The following TCF12 variants were observed in gnomAD, a reference collection of about 807,000 sequenced individuals.
TCF12 encodes transcription factor 12.
TCF12 carries 45 observed loss-of-function variants against 86.0 expected under a neutral mutation model. That is an observed-to-expected ratio of 0.52 (90% CI 0.41 to 0.67). The LOEUF (loss-of-function observed/expected upper bound fraction) is 0.67, where lower values mean the gene tolerates loss of function less well. Among genes scored for constraint, TCF12 ranks in the 30% least tolerant of loss-of-function variants. The pLI, the probability that TCF12 is intolerant of heterozygous loss-of-function variation, is 0.00. For missense variants in TCF12, 881 were observed against 859.9 expected (o/e 1.02, Z -0.31); for synonymous variants, 330 against 299.6 (o/e 1.10, Z -1.05).
At chr15:57,224,068 T>G (rs1386348936) in intron 8 of TCF12, among the ~76,000 whole-genome samples, 1 of 152,068 alleles carries the variant, frequency 6.6e-6, no homozygotes, top group African/African-American at 2.4e-5. Flanking sequence ...TTATCTTGAT[T>G]CAAGTGAGTA....
chr15:57,067,306 C>T (rs1223391575), intron 4 of TCF12, among the ~76,000 whole-genome samples: 2 of 151,830 alleles, frequency 1.3e-5, no homozygotes, highest in Non-Finnish European at 2.9e-5. Flanking sequence ...TTTGGGAGGC[C>T]GAGGCGGGCG....
chr15:56,964,528 A>C (rs2061917098), intron 3 of TCF12, among the ~76,000 whole-genome samples: 1 of 151,720 alleles, frequency 6.6e-6, no homozygotes, highest in African/African-American at 2.4e-5. Flanking sequence ...ATGTCTTTTC[A>C]TTTTTCAGCC....
intron 3 of TCF12, among the ~76,000 whole-genome samples, chr15:57,030,959 T>C (rs2066140007): frequency 6.6e-6 from 1 of 152,230 alleles, no homozygotes; most frequent in South Asian, 2.1e-4. Flanking sequence ...ACCAATTGCC[T>C]ATCTCAAGGA....
intron 4 of TCF12, among the ~76,000 whole-genome samples, chr15:57,064,946 C>T (rs1251601201): frequency 6.6e-6 from 1 of 152,002 alleles, no homozygotes; most frequent in Admixed American, 6.6e-5. Context: ...AGCAAATTGC[C>T]TTAATGGGAG....
intron 18 of TCF12, among the ~76,000 whole-genome samples, chr15:57,264,438 T>A (rs1303596834): frequency 6.6e-6 from 1 of 151,892 alleles, no homozygotes; most frequent in African/African-American, 2.4e-5. Context: ...TGACCTCAAG[T>A]GATCTGCCCA....
At chr15:56,947,230 G>T (rs1314579487) in intron 3 of TCF12, among the ~76,000 whole-genome samples, 1 of 152,178 alleles carries the variant, frequency 6.6e-6, no homozygotes, top group Non-Finnish European at 1.5e-5. Context: ...TCCCAATCCT[G>T]TTTGAGCTCT....
intron 6 of TCF12, among the ~76,000 whole-genome samples, chr15:57,170,745 T>TTA (rs1555526235): frequency 4.8e-4 from 15 of 31,428 alleles, no homozygotes; most frequent in African/African-American, 2.2e-3. Flanking sequence ...ATAATATATA[T>TTA]TATATATTAT....
rs200300173 is a variant in TCF12, at chr15:57,166,398, A to G, written c.326-4A>G. 1.2e-6 allele frequency: 2 copies of G among 1,610,544 alleles called. No homozygotes were observed. The highest frequency in any genetic ancestry group is 2.2e-5 in the East Asian group (1 of 44,738). The stretch of plus-strand genomic sequence containing the variant: ...TATATAAAGTTAATTTCTTTGTTTT[A>G]TAGGAAAAACATCAGAGAGAGGCTC... On this transcript the variant is annotated splice_region_variant and splice_polypyrimidine_tract_variant and intron_variant, in intron 5 of 20. Transcript: ENST00000333725.
intron 16 of TCF12, among the ~76,000 whole-genome samples, chr15:57,258,329 C>T (rs1340057983): frequency 6.6e-6 from 1 of 152,112 alleles, no homozygotes; most frequent in Non-Finnish European, 1.5e-5. Flanking sequence ...ATAAAAAGAG[C>T]TCTCTGCAAT....
intron 19 of TCF12, among the ~76,000 whole-genome samples, chr15:57,273,982 G>A (rs192836527): frequency 1.3e-5 from 2 of 152,204 alleles, no homozygotes; most frequent in African/African-American, 2.4e-5. Flanking sequence ...CTAGGCCCTG[G>A]GTTATCAAAT....
At chr15:57,045,221 C>T (rs1288968931) in intron 3 of TCF12, among the ~76,000 whole-genome samples, 1 of 152,174 alleles carries the variant, frequency 6.6e-6, no homozygotes, top group Non-Finnish European at 1.5e-5. Context: ...CCTATGTTTC[C>T]TTTTCACAAA....
intron 13 of TCF12, among the ~76,000 whole-genome samples, chr15:57,250,328 C>T (rs950787877): frequency 2.6e-5 from 4 of 152,128 alleles, no homozygotes; most frequent in African/African-American, 4.8e-5. Context: ...AACATCCTTC[C>T]CCCTGGGGGA....
intron 3 of TCF12, among the ~76,000 whole-genome samples, chr15:57,055,660 A>G (rs2067964717): frequency 6.6e-6 from 1 of 151,996 alleles, no homozygotes; most frequent in Non-Finnish European, 1.5e-5. Context: ...ACAAGTTCTT[A>G]GTTATTTGAA....
intron 3 of TCF12, among the ~76,000 whole-genome samples, chr15:57,017,665 T>A (rs1388375530): frequency 6.6e-6 from 1 of 151,336 alleles, no homozygotes; most frequent in Non-Finnish European, 1.5e-5. Context: ...TAATATTTTT[T>A]AAAACCCACC....
chr15:57,183,214 CAA>C (rs1224784139), intron 6 of TCF12, among the ~76,000 whole-genome samples: 3 of 152,150 alleles, frequency 2.0e-5, no homozygotes, highest in Admixed American at 2.0e-4. Context: ...TGAACTTCAT[CAA>C]GAGTCATCAG....
chr15:57,262,185 A>G lies in TCF12; in HGVS notation c.1559A>G (p.His520Arg), dbSNP rs1192275455. 5 of 1,611,872 alleles carry G rather than the reference A, an allele frequency of 3.1e-6. No homozygotes were observed. In the Admixed American group the frequency reaches 5.0e-5, roughly 16 times the overall value. ...TVTTSSTDLN[H>R]KTQENYRGGL... Reference sequence around the variant, plus strand: ...ACTACTTCAAGCACAGACCTGAACCATAAAACACAAGAAAATTATAGAGGT... The same window carrying G: ...ACTACTTCAAGCACAGACCTGAACCGTAAAACACAAGAAAATTATAGAGGT... Residue 520 changes from histidine to arginine, a missense_variant, in exon 17 of 21, where the codon CAT (histidine) becomes CGT (arginine). This residue lies in a region of TCF12 where 766 missense variants were observed against 718.9 expected (regional missense o/e 1.07). Transcript: ENST00000333725.
intron 11 of TCF12, 138 bp downstream of exon 11, chr15:57,232,994 TTATATGTATATATGTGTTA>T (rs2059213399): frequency 6.2e-6 from 3 of 481,132 alleles, no homozygotes; most frequent in Non-Finnish European, 8.8e-6. Flanking sequence ...TATATGTGTG[TTATATGTATATATGTGTTA>T]TATATGTATA....
At chr15:56,948,801 T>C (rs2061131341) in intron 3 of TCF12, among the ~76,000 whole-genome samples, 4 of 152,236 alleles carry the variant, frequency 2.6e-5, no homozygotes. Flanking sequence ...ATCTTCCACT[T>C]TCACTCATCT....
chr15:56,942,083 A>G (rs1595779146), intron 3 of TCF12, among the ~76,000 whole-genome samples: 2 of 152,168 alleles, frequency 1.3e-5, no homozygotes, highest in South Asian at 4.1e-4. Flanking sequence ...TAAAACTTCC[A>G]GATTTCTGAG....
Sources: allele counts gnomAD v4.1 joint callset (sites outside exome capture counted in the v4.1 genomes callset), GRCh38; gene constraint gnomAD v4.1.1; regional missense constraint gnomAD v4.1.1; transcripts MANE v1.5; gene names NCBI Gene and HGNC (gene_info 2026-07-23, HGNC 2026-07-21).